Variants in RBKS observed in about 807,000 individuals in gnomAD.
The protein encoded by RBKS is ribokinase.
Under a neutral mutation model 33.9 loss-of-function variants are expected in RBKS, and 33 were observed. The observed-to-expected ratio is 0.97, with a 90% CI of 0.74 to 1.30. RBKS has a LOEUF of 1.30. RBKS is among the 50% of genes most tolerant of loss of function. RBKS has a pLI of 0.00. For missense variants in RBKS, 361 were observed against 392.6 expected (o/e 0.92, Z 0.68); for synonymous variants, 125 against 143.0 (o/e 0.87, Z 0.90).
chr2:27,798,357 G>A (rs1474390248), intron 7 of RBKS, among the ~76,000 whole-genome samples: 5 of 152,068 alleles, frequency 3.3e-5, no homozygotes, highest in African/African-American at 4.8e-5. Context: ...CAACACGGCC[G>A]AAATGAACTC....
chr2:27,885,091 C>G (rs185206835), intron 1 of RBKS, among the ~76,000 whole-genome samples: 1 of 152,156 alleles, frequency 6.6e-6, no homozygotes, highest in East Asian at 1.9e-4. Context: ...CCTCAACCCT[C>G]CCAATTCCAC....
rs200278779 is a variant in RBKS, at chr2:27,858,575, T to C, written c.90-4A>G. On this transcript the variant is annotated splice_polypyrimidine_tract_variant and splice_region_variant and intron_variant, in intron 1 of 7. Transcript: ENST00000302188. ...TTTTGGCAAACGAGAAGTAAGACTATTGTAATTTAAAAAGAGAAGAAAAAA... is the reference window on the plus strand; with the variant it reads ...TTTTGGCAAACGAGAAGTAAGACTACTGTAATTTAAAAAGAGAAGAAAAAA... The C allele has an allele frequency of 3.0e-4, 479 of 1,609,820 alleles. 8 individuals are homozygous for C. Among genetic ancestry groups the C allele is most frequent in the South Asian group, 2.7e-3 (243 of 90,922 alleles).
chr2:27,824,420 T>C (rs1365369361), intron 7 of RBKS, among the ~76,000 whole-genome samples: 1 of 152,212 alleles, frequency 6.6e-6, no homozygotes. Context: ...CACCCATCTA[T>C]GCTCTGTATC....
chr2:27,858,383 A>C (rs1663902087), intron 2 of RBKS, 56 bp downstream of exon 2: 5 of 1,523,648 alleles, frequency 3.3e-6, no homozygotes, highest in Admixed American at 2.1e-5. Context: ...AATGAACTCC[A>C]GTCTTAAAAC....
At chr2:27,840,500 CAT>C (rs1022492130) in intron 5 of RBKS, among the ~76,000 whole-genome samples, 8 of 152,034 alleles carry the variant, frequency 5.3e-5, no homozygotes, top group East Asian at 3.9e-4. Flanking sequence ...GTAATGGACA[CAT>C]GAGTGTGTGT....
At chr2:27,804,616 G>A (rs1401908014) in intron 7 of RBKS, among the ~76,000 whole-genome samples, 3 of 152,192 alleles carry the variant, frequency 2.0e-5, no homozygotes, top group Non-Finnish European at 4.4e-5. Flanking sequence ...TTGGCCAGGT[G>A]GTTCTGTGTT....
At chr2:27,792,560 C>T (rs1490447136) in intron 7 of RBKS, among the ~76,000 whole-genome samples, 1 of 152,194 alleles carries the variant, frequency 6.6e-6, no homozygotes, top group Admixed American at 6.5e-5. Context: ...GGTGCTCAAT[C>T]TTTTTACCTA....
chr2:27,827,744 T>A lies in RBKS; in HGVS notation c.618A>T (p.Leu206Phe), dbSNP rs775968564. 6.2e-7 allele frequency: 1 copy of A among 1,601,668 alleles called. No individual in the cohort carries two copies. The highest frequency in any genetic ancestry group is 1.1e-5 in the South Asian group (1 of 89,838). Residue 206 changes from leucine (L) to phenylalanine (F), a missense_variant, in exon 7 of 8, where the codon TTA becomes TTT. Transcript: ENST00000302188. ...FCCNESEAEI[L>F]TGLTVGSAAD... is the part of the protein sequence containing the mutation. ...CAGCGCTGCCCACCGTGAGGCCAGT[T>A]AAAATCTCAGCCTAGAATACACAAA...
At chr2:27,859,370 C>T (rs769264348) in intron 1 of RBKS, among the ~76,000 whole-genome samples, 3 of 152,126 alleles carry the variant, frequency 2.0e-5, no homozygotes, top group Non-Finnish European at 4.4e-5. Flanking sequence ...TTGTTTGAGT[C>T]AATACCTTCA....
At chr2:27,886,761 A>G (rs1573084153) in intron 1 of RBKS, among the ~76,000 whole-genome samples, 1 of 152,126 alleles carries the variant, frequency 6.6e-6, no homozygotes, top group East Asian at 1.9e-4. Flanking sequence ...AAGAAAGGTT[A>G]AGGATTGGGA....
intron 7 of RBKS, among the ~76,000 whole-genome samples, chr2:27,793,327 A>G (rs1290666474): frequency 1.3e-5 from 2 of 152,218 alleles, no homozygotes; most frequent in Admixed American, 1.3e-4. Context: ...CAAGTTATAA[A>G]TAATCCCCCC....
At position 27,795,647 on chromosome 2, in the gene RBKS, G is replaced by T. The variant is rs1677652590; in HGVS notation, c.796-13859C>A. Among the ~76,000 whole-genome samples, 2 of 152,256 alleles carry T rather than the reference G, an allele frequency of 1.3e-5. No homozygotes were observed. The highest frequency in any genetic ancestry group is 2.9e-5 in the Non-Finnish European group (2 of 68,030). On this transcript the variant is annotated intron_variant, in intron 7 of 7. Coordinates refer to ENST00000302188, the MANE Select transcript of RBKS (RefSeq NM_022128.3). The surrounding 1 kb of genome is among the most constrained non-coding windows in gnomAD (Gnocchi z 4.1). ...TCAGAAACATCCAGTCATTTGTCCA[G>T]AGTCACAGAGCTGGTAAATGGCAGA...
In RBKS at chr2:27,793,489, C is replaced by A. The variant is rs560497595; in HGVS notation, c.796-11701G>T. Among the ~76,000 whole-genome samples, 7 of 152,306 alleles carry A rather than the reference C, an allele frequency of 4.6e-5. No individual in the cohort carries two copies. In the South Asian group the frequency reaches 1.4e-3, roughly 32 times the overall value. On this transcript the variant is annotated intron_variant, in intron 7 of 7. Coordinates refer to ENST00000302188, the MANE Select transcript of RBKS (RefSeq NM_022128.3). ...CCCTGATGTGGGGCCTGGAGAAGGA[C>A]ACAAGGTCACGGATGTAGTATTCCT...
At chr2:27,855,259 G>A (rs1000005908) in intron 2 of RBKS, among the ~76,000 whole-genome samples, 2 of 152,204 alleles carry the variant, frequency 1.3e-5, no homozygotes, top group African/African-American at 4.8e-5. Flanking sequence ...ATATATGAAG[G>A]ATAGTCTCAT....
At chr2:27,884,499 C>T (rs1435814317) in intron 1 of RBKS, among the ~76,000 whole-genome samples, 1 of 152,092 alleles carries the variant, frequency 6.6e-6, no homozygotes, top group Non-Finnish European at 1.5e-5. Flanking sequence ...ACCCGCTTGG[C>T]TTCCCAAAGT....
chr2:27,815,774 C>T (rs1405478157), intron 7 of RBKS, among the ~76,000 whole-genome samples: 1 of 152,186 alleles, frequency 6.6e-6, no homozygotes, highest in African/African-American at 2.4e-5. Context: ...GGTAAGCAAG[C>T]TCCCATAACC....
At chr2:27,866,956 T>C (rs1664113638) in intron 1 of RBKS, among the ~76,000 whole-genome samples, 1 of 152,030 alleles carries the variant, frequency 6.6e-6, no homozygotes, top group South Asian at 2.1e-4. Flanking sequence ...ATTTAAAAAT[T>C]AGCTGGGTAT....
chr2:27,807,985 T>C (rs544196894), intron 7 of RBKS, among the ~76,000 whole-genome samples: 1 of 152,332 alleles, frequency 6.6e-6, no homozygotes, highest in Non-Finnish European at 1.5e-5. Flanking sequence ...CTCCCTGTAC[T>C]CCTCTCTAAT....
At chr2:27,882,386 C>A (rs899587041) in intron 1 of RBKS, among the ~76,000 whole-genome samples, 11 of 152,206 alleles carry the variant, frequency 7.2e-5, no homozygotes, top group African/African-American at 2.2e-4. Context: ...GATACCATCT[C>A]ATACCAGTCA....
Sources: gnomAD v4.1 joint callset for allele counts (sites outside exome capture counted in the v4.1 genomes callset) on GRCh38, gnomAD v4.1.1 for gene constraint, Gnocchi (gnomAD v3.1) non-coding constraint, MANE v1.5 for transcripts, NCBI Gene and HGNC (gene_info 2026-07-23, HGNC 2026-07-21) for gene names.